The following KCNJ6 variants were observed in gnomAD, a reference collection of about 807,000 sequenced individuals.
KCNJ6 encodes potassium inwardly rectifying channel subfamily J member 6, also known as G protein-activated inward rectifier potassium channel 2.
KCNJ6 carries 9 observed loss-of-function variants against 34.2 expected under a neutral mutation model. The ratio of observed to expected loss-of-function variants is 0.26; its 90% CI spans 0.16 to 0.46. KCNJ6 has a LOEUF of 0.46. Ranked by LOEUF, KCNJ6 falls within the 20% of genes least tolerant of loss-of-function variation. The pLI, the probability that KCNJ6 is intolerant of heterozygous loss-of-function variation, is 1.00. For synonymous variants in KCNJ6, 196 were observed against 207.1 expected, an observed-to-expected ratio of 0.95 and a Z score of 0.46; for missense variants, 236 against 531.3, an observed-to-expected ratio of 0.44 and a Z score of 5.46.
chr21:37,629,564 C>T (rs1015008228), intron 3 of KCNJ6, among the ~76,000 whole-genome samples: 4 of 152,118 alleles, frequency 2.6e-5, no homozygotes, highest in Non-Finnish European at 5.9e-5. Flanking sequence ...AATTAGGACA[C>T]AGACACACAC....
chr21:37,837,476 CT>C (rs1285286504), intron 2 of KCNJ6, among the ~76,000 whole-genome samples: 1 of 152,222 alleles, frequency 6.6e-6, no homozygotes, highest in Non-Finnish European at 1.5e-5. Flanking sequence ...CTTCCCTGCT[CT>C]AGAAGAAGAC....
chr21:37,831,982 A>T (rs924940230), intron 2 of KCNJ6, among the ~76,000 whole-genome samples: 2 of 152,156 alleles, frequency 1.3e-5, no homozygotes, highest in African/African-American at 4.8e-5. Flanking sequence ...AGGGGGATGG[A>T]GTCCCTGTGG....
chr21:37,814,787 A>G (rs2055338305), intron 2 of KCNJ6, among the ~76,000 whole-genome samples: 1 of 151,144 alleles, frequency 6.6e-6, no homozygotes, highest in Non-Finnish European at 1.5e-5. Context: ...AGTCCCAGCT[A>G]CTGGGGAGGC....
chr21:37,728,652 T>C (rs2054867908), intron 2 of KCNJ6, among the ~76,000 whole-genome samples: 1 of 151,786 alleles, frequency 6.6e-6, no homozygotes, highest in Non-Finnish European at 1.5e-5. Flanking sequence ...TATAACCAGT[T>C]ACTAGTTAGT....
chr21:37,774,424 G>T (rs555530482), intron 2 of KCNJ6, among the ~76,000 whole-genome samples: 2 of 152,100 alleles, frequency 1.3e-5, no homozygotes, highest in South Asian at 4.2e-4. Context: ...ATGTATACGT[G>T]TGCCATGTTG....
At chr21:37,774,400 C>T (rs1343146685) in intron 2 of KCNJ6, among the ~76,000 whole-genome samples, 2 of 151,740 alleles carry the variant, frequency 1.3e-5, no homozygotes, top group Non-Finnish European at 2.9e-5. Context: ...GCACAATGTG[C>T]GGGTTTGTTA....
chr21:37,727,458 CGT>C (rs33993661), intron 2 of KCNJ6, among the ~76,000 whole-genome samples: 31 of 148,132 alleles, frequency 2.1e-4, no homozygotes, highest in Admixed American at 6.0e-4. Flanking sequence ...TGAGGACTCA[CGT>C]GTGTGTGTGT....
chr21:37,803,268 G>A (rs1019111731), intron 2 of KCNJ6, among the ~76,000 whole-genome samples: 2 of 152,188 alleles, frequency 1.3e-5, no homozygotes, highest in Non-Finnish European at 2.9e-5. Context: ...AGGCCTTGAA[G>A]CTTAATTTCC....
intron 2 of KCNJ6, among the ~76,000 whole-genome samples, chr21:37,832,717 G>A (rs2055432290): frequency 6.6e-6 from 1 of 152,098 alleles, no homozygotes; most frequent in African/African-American, 2.4e-5. Flanking sequence ...GGTGGGGGGC[G>A]GGGAAGCTCT....
At chr21:37,684,359 T>TG (rs201375399) in intron 3 of KCNJ6, among the ~76,000 whole-genome samples, 4 of 151,786 alleles carry the variant, frequency 2.6e-5, no homozygotes, top group East Asian at 1.9e-4. Flanking sequence ...TTTTTTTTTT[T>TG]TATGAGGACA....
At chr21:37,693,373 G>T (rs921126931) in intron 3 of KCNJ6, among the ~76,000 whole-genome samples, 1 of 152,218 alleles carries the variant, frequency 6.6e-6, no homozygotes. Context: ...GATTGGCTGA[G>T]TTGCAGAATG....
rs1162595586 is a variant in KCNJ6, at chr21:37,675,739, A to G, written c.946+38472T>C. ...AGCAAGCAGGCTCTTATAGACTCTT[A>G]CACCAAAAGAAGAATTTGGAGGTCC... On this transcript the variant is annotated intron_variant, in intron 3 of 3. Coordinates refer to ENST00000609713, the MANE Select transcript of KCNJ6 (RefSeq NM_002240.5). This position sits in a 1 kb window ranked among gnomAD's most constrained non-coding sequence, Gnocchi z 4.2. Among the ~76,000 whole-genome samples the G allele has an allele frequency of 1.3e-5, 2 of 152,236 alleles. No homozygotes were observed. The highest frequency in any genetic ancestry group is 2.9e-5 in the Non-Finnish European group (2 of 68,036).
chr21:37,900,382 G>A (rs2055810903), intron 1 of KCNJ6, among the ~76,000 whole-genome samples: 1 of 152,116 alleles, frequency 6.6e-6, no homozygotes, highest in South Asian at 2.1e-4. Flanking sequence ...ATGTTTCGTT[G>A]ACCATATCGA....
At chr21:37,778,997 C>A (rs1479955944) in intron 2 of KCNJ6, among the ~76,000 whole-genome samples, 1 of 152,092 alleles carries the variant, frequency 6.6e-6, no homozygotes, top group Non-Finnish European at 1.5e-5. Flanking sequence ...AGTTTTCAGA[C>A]CAAGTGCACA....
intron 3 of KCNJ6, among the ~76,000 whole-genome samples, chr21:37,678,830 CA>C (rs2054578386): frequency 6.6e-6 from 1 of 152,178 alleles, no homozygotes; most frequent in Admixed American, 6.5e-5. Context: ...CTGAGGGGGC[CA>C]AATCCCAGCT....
intron 2 of KCNJ6, among the ~76,000 whole-genome samples, chr21:37,755,953 CG>C (rs1410306451): frequency 6.6e-6 from 1 of 152,210 alleles, no homozygotes; most frequent in East Asian, 1.9e-4. Flanking sequence ...AGTCTTTATT[CG>C]GTGGCTCGAA....
chr21:37,754,389 T>C (rs1037717708), intron 2 of KCNJ6, among the ~76,000 whole-genome samples: 1 of 152,204 alleles, frequency 6.6e-6, no homozygotes, highest in African/African-American at 2.4e-5. Flanking sequence ...TCTAGCTCCA[T>C]AGTTTGTTAG....
chr21:37,868,250 C>T (rs555760687), intron 1 of KCNJ6, among the ~76,000 whole-genome samples: 29 of 152,248 alleles, frequency 1.9e-4, no homozygotes, highest in African/African-American at 6.0e-4. Flanking sequence ...CTACAGCTAG[C>T]GAGATCATTA....
intron 1 of KCNJ6, among the ~76,000 whole-genome samples, chr21:37,895,615 G>A (rs1364329870): frequency 2.0e-5 from 3 of 152,162 alleles, no homozygotes; most frequent in Non-Finnish European, 2.9e-5. Flanking sequence ...CCCACCTGGT[G>A]AAAGAGGCAG....
Sources: allele counts gnomAD v4.1 joint callset (sites outside exome capture counted in the v4.1 genomes callset), GRCh38; gene constraint gnomAD v4.1.1; non-coding constraint Gnocchi (gnomAD v3.1); transcripts MANE v1.5; gene names NCBI Gene and HGNC (gene_info 2026-07-23, HGNC 2026-07-21).